Variants in TRABD2B observed in about 807,000 individuals in gnomAD.
TRABD2B encodes the protein metalloprotease TIKI2.
Under a neutral mutation model 40.1 loss-of-function variants are expected in TRABD2B, and 14 were observed. That is an observed-to-expected ratio of 0.35 (90% CI 0.23 to 0.55). The LOEUF (loss-of-function observed/expected upper bound fraction) is 0.55. Ranked by LOEUF, TRABD2B falls within the 20% of genes least tolerant of loss-of-function variation. The pLI is 0.90. For synonymous variants in TRABD2B, 263 were observed against 277.0 expected (o/e 0.95, Z 0.50); for missense variants, 541 against 648.6 (o/e 0.83, Z 1.80).
At chr1:47,938,589 C>CT (rs1303662948) in intron 2 of TRABD2B, among the ~76,000 whole-genome samples, 3 of 150,380 alleles carry the variant, frequency 2.0e-5, no homozygotes, top group African/African-American at 7.3e-5. Context: ...CTTTAGCTTA[C>CT]TAACAGCTGG....
intron 2 of TRABD2B, among the ~76,000 whole-genome samples, chr1:47,916,566 CA>C (rs1184283116): frequency 6.6e-6 from 1 of 152,178 alleles, no homozygotes; most frequent in Non-Finnish European, 1.5e-5. Flanking sequence ...AGGTCAAGTA[CA>C]GGTGGAGGAA....
At chr1:47,783,752 G>A (rs1388378936) in intron 4 of TRABD2B, among the ~76,000 whole-genome samples, 1 of 152,160 alleles carries the variant, frequency 6.6e-6, no homozygotes, top group Admixed American at 6.5e-5. Context: ...AAGGCTCAGT[G>A]AGCAGAGCAC....
intron 2 of TRABD2B, among the ~76,000 whole-genome samples, chr1:47,821,997 A>C (rs772930190): frequency 1.3e-5 from 2 of 152,178 alleles, no homozygotes; most frequent in African/African-American, 4.8e-5. Context: ...TCTCGTAGAC[A>C]TTCACACAGA....
At chr1:47,979,383 T>C (rs2148439422) in intron 2 of TRABD2B, among the ~76,000 whole-genome samples, 1 of 152,294 alleles carries the variant, frequency 6.6e-6, no homozygotes, top group African/African-American at 2.4e-5. Context: ...CATGTGAACA[T>C]ATAAAAGACA....
At chr1:47,928,239 A>C (rs1000414851) in intron 2 of TRABD2B, among the ~76,000 whole-genome samples, 48 of 152,238 alleles carry the variant, frequency 3.2e-4, no homozygotes, top group African/African-American at 1.1e-3. Flanking sequence ...GAAGAATCAC[A>C]GGCCCTGAAA....
At chr1:47,914,463 C>T (rs1207670862) in intron 2 of TRABD2B, among the ~76,000 whole-genome samples, 1 of 152,154 alleles carries the variant, frequency 6.6e-6, no homozygotes, top group East Asian at 1.9e-4. Context: ...AGGGAGGGAG[C>T]CAGAGCAATG....
chr1:47,954,065 A>G lies in TRABD2B; in HGVS notation c.666+39969T>C, dbSNP rs533613929. ...CCCAGTCATGGGAGAAGCTCAAGTCACAGCTTCACAGGATTGCAGAGACAA... is the reference window on the plus strand; with the variant it reads ...CCCAGTCATGGGAGAAGCTCAAGTCGCAGCTTCACAGGATTGCAGAGACAA... On this transcript the variant is annotated intron_variant, in intron 2 of 6. Transcript: ENST00000606738. 1.1e-4 allele frequency among the ~76,000 whole-genome samples: 17 copies of G among 152,352 alleles called. No homozygotes were observed. The South Asian group carries it at 3.3e-3, about 30-fold the overall frequency.
chr1:47,879,710 C>T (rs1048270991), intron 2 of TRABD2B, among the ~76,000 whole-genome samples: 20 of 152,168 alleles, frequency 1.3e-4, no homozygotes, highest in African/African-American at 4.3e-4. Flanking sequence ...ACAACTAGAA[C>T]AAAAAGTTGT....
At chr1:47,825,285 C>T (rs1041794401) in intron 2 of TRABD2B, among the ~76,000 whole-genome samples, 3 of 152,204 alleles carry the variant, frequency 2.0e-5, no homozygotes, top group Non-Finnish European at 4.4e-5. Flanking sequence ...ATTACCTTCC[C>T]ACAGCACAAA....
chr1:47,971,020 A>G (rs1180735481), intron 2 of TRABD2B, among the ~76,000 whole-genome samples: 1 of 152,232 alleles, frequency 6.6e-6, no homozygotes, highest in African/African-American at 2.4e-5. Context: ...GGGGGAAGGA[A>G]GAGGCAGAGA....
intron 2 of TRABD2B, among the ~76,000 whole-genome samples, chr1:47,896,351 G>A (rs962871966): frequency 3.9e-5 from 6 of 152,096 alleles, no homozygotes; most frequent in African/African-American, 7.2e-5. Flanking sequence ...GGGCTGTGGA[G>A]GCTCAAGGCT....
At chr1:47,773,325 G>A (rs989627885) in intron 6 of TRABD2B, among the ~76,000 whole-genome samples, 1 of 152,254 alleles carries the variant, frequency 6.6e-6, no homozygotes, top group Non-Finnish European at 1.5e-5. Flanking sequence ...AGAAGGGGGA[G>A]GCCCATGCTG....
intron 2 of TRABD2B, among the ~76,000 whole-genome samples, chr1:47,851,409 CA>C (rs1645547782): frequency 6.6e-6 from 1 of 152,092 alleles, no homozygotes; most frequent in Non-Finnish European, 1.5e-5. Flanking sequence ...AGGAGAGTCA[CA>C]AGAATGTATG....
intron 2 of TRABD2B, among the ~76,000 whole-genome samples, chr1:47,837,186 C>A (rs141343285): frequency 1.4e-3 from 209 of 152,308 alleles, no homozygotes; most frequent in African/African-American, 4.7e-3. Flanking sequence ...CTGGTGGGAT[C>A]CAACCCTCTC....
chr1:47,885,301 G>A lies in TRABD2B; in HGVS notation c.667-83682C>T, dbSNP rs527897873. On this transcript the variant is annotated intron_variant, in intron 2 of 6. Coordinates refer to ENST00000606738, the MANE Select transcript of TRABD2B (RefSeq NM_001194986.2). ...TGTCCACCTCCTCCAGGAAGCCCTC[G>A]CTGACTCCCAGGCCAGGCTAGGTGT... 7.2e-5 allele frequency among the ~76,000 whole-genome samples: 11 copies of A among 152,120 alleles called. No homozygotes were observed. In the East Asian group the frequency reaches 1.5e-3, roughly 21 times the overall value.
At chr1:47,890,096 A>G (rs1203388875) in intron 2 of TRABD2B, among the ~76,000 whole-genome samples, 1 of 152,194 alleles carries the variant, frequency 6.6e-6, no homozygotes, top group Non-Finnish European at 1.5e-5. Flanking sequence ...CAAAGCAAGC[A>G]TGGATGTCAC....
At chr1:47,857,848 G>C (rs1007071516) in intron 2 of TRABD2B, among the ~76,000 whole-genome samples, 1 of 151,962 alleles carries the variant, frequency 6.6e-6, no homozygotes, top group East Asian at 1.9e-4. Context: ...CTGTGTGCAA[G>C]GACTGTGCCA....
chr1:47,889,653 G>A lies in TRABD2B; in HGVS notation c.667-88034C>T, dbSNP rs184353390. Among the ~76,000 whole-genome samples, 71 of 152,318 alleles carry A rather than the reference G, an allele frequency of 4.7e-4. 1 individual carries two copies. Among genetic ancestry groups the A allele is most frequent in the African/African-American group, 1.7e-3 (70 of 41,568 alleles). ...AAAGATGCATAGCTGCTGAGAGTTG[G>A]TGACCAAAGGATTCAGTGGAAGGAT... On this transcript the variant is annotated intron_variant, in intron 2 of 6. Transcript: ENST00000606738.
intron 2 of TRABD2B, among the ~76,000 whole-genome samples, chr1:47,922,254 G>C (rs1644912812): frequency 6.6e-6 from 1 of 152,192 alleles, no homozygotes; most frequent in Non-Finnish European, 1.5e-5. Flanking sequence ...GTGGTTACTT[G>C]CTATCTCTAC....
Sources: allele counts gnomAD v4.1 joint callset (sites outside exome capture counted in the v4.1 genomes callset), GRCh38; gene constraint gnomAD v4.1.1; transcripts MANE v1.5; gene names NCBI Gene and HGNC (gene_info 2026-07-23, HGNC 2026-07-21).